Variants in EFNA5 observed in about 807,000 individuals in gnomAD.
EFNA5 encodes ephrin-A5.
Under a neutral mutation model 22.9 loss-of-function variants are expected in EFNA5, and 5 were observed. The observed-to-expected ratio is 0.22, with a 90% CI of 0.11 to 0.46. The LOEUF (loss-of-function observed/expected upper bound fraction) is 0.46, where lower values mean the gene tolerates loss of function less well. Among genes scored for constraint, EFNA5 ranks in the 20% least tolerant of loss-of-function variants. The pLI, the probability that EFNA5 is intolerant of heterozygous loss-of-function variation, is 0.99. For missense variants in EFNA5, 237 were observed against 293.3 expected, an observed-to-expected ratio of 0.81 and a Z score of 1.40; for synonymous variants, 113 against 112.2, an observed-to-expected ratio of 1.01 and a Z score of -0.04.
chr5:107,573,059 G>A (rs150581505), intron 1 of EFNA5, among the ~76,000 whole-genome samples: 81 of 152,296 alleles, frequency 5.3e-4, no homozygotes, highest in African/African-American at 1.9e-3. Context: ...TTGTAAAGGC[G>A]CAGTGGGTCT....
intron 1 of EFNA5, among the ~76,000 whole-genome samples, chr5:107,477,764 T>C (rs1293779207): frequency 1.3e-5 from 2 of 152,182 alleles, no homozygotes; most frequent in Non-Finnish European, 2.9e-5. Flanking sequence ...CCACAATATA[T>C]TATTTTTTTT....
chr5:107,665,108 C>A (rs1751039556), intron 1 of EFNA5, among the ~76,000 whole-genome samples: 1 of 152,088 alleles, frequency 6.6e-6, no homozygotes, highest in South Asian at 2.1e-4. Context: ...AATGCTTTCT[C>A]TCTCTCAAAG....
At chr5:107,501,948 T>C (rs946866282) in intron 1 of EFNA5, among the ~76,000 whole-genome samples, 1 of 152,346 alleles carries the variant, frequency 6.6e-6, no homozygotes, top group East Asian at 1.9e-4. Context: ...AGAAAAGTAC[T>C]GCAGCTGTGA....
chr5:107,484,429 A>AT (rs1289701403), intron 1 of EFNA5, among the ~76,000 whole-genome samples: 1 of 152,190 alleles, frequency 6.6e-6, no homozygotes, highest in African/African-American at 2.4e-5. Context: ...TCTGATTCAG[A>AT]ACTAACATGG....
intron 1 of EFNA5, among the ~76,000 whole-genome samples, chr5:107,618,332 T>C (rs1749966147): frequency 6.6e-6 from 1 of 152,254 alleles, no homozygotes; most frequent in South Asian, 2.1e-4. Context: ...AAATTCATTA[T>C]ATGAACTTGT....
chr5:107,391,209 G>C (rs1315120253), intron 2 of EFNA5, among the ~76,000 whole-genome samples: 2 of 152,166 alleles, frequency 1.3e-5, no homozygotes, highest in Non-Finnish European at 1.5e-5. Flanking sequence ...TTCTTTATTA[G>C]GTGCTGTGCA....
At chr5:107,622,547 T>C (rs1750056793) in intron 1 of EFNA5, among the ~76,000 whole-genome samples, 1 of 152,210 alleles carries the variant, frequency 6.6e-6, no homozygotes, top group South Asian at 2.1e-4. Flanking sequence ...AGGGTAATAA[T>C]GGCTACCACT....
intron 1 of EFNA5, among the ~76,000 whole-genome samples, chr5:107,542,688 C>A (rs555851233): frequency 3.3e-5 from 5 of 152,244 alleles, no homozygotes; most frequent in Admixed American, 3.3e-4. Flanking sequence ...CTGACTCATG[C>A]CTCTGGGCAT....
chr5:107,600,778 G>A (rs1749575774), intron 1 of EFNA5, among the ~76,000 whole-genome samples: 1 of 152,060 alleles, frequency 6.6e-6, no homozygotes, highest in African/African-American at 2.4e-5. Flanking sequence ...GTGAGCCACT[G>A]GGCCCAGCCA....
chr5:107,485,697 T>C (rs2112406374), intron 1 of EFNA5, among the ~76,000 whole-genome samples: 1 of 152,322 alleles, frequency 6.6e-6, no homozygotes, highest in East Asian at 1.9e-4. Context: ...GACTCTCACT[T>C]ATTTTAAAAG....
At chr5:107,548,114 G>A (rs910959269) in intron 1 of EFNA5, among the ~76,000 whole-genome samples, 3 of 152,118 alleles carry the variant, frequency 2.0e-5, no homozygotes, top group Admixed American at 6.5e-5. Flanking sequence ...TTCCAATGAC[G>A]ACAATGAGGT....
intron 2 of EFNA5, 61 bp downstream of exon 2, chr5:107,427,156 T>TA: frequency 1.3e-6 from 2 of 1,585,816 alleles, no homozygotes; most frequent in Non-Finnish European, 1.7e-6. Flanking sequence ...GAAACATGGG[T>TA]AAAAAATTAG....
At chr5:107,527,448 A>C (rs549453134) in intron 1 of EFNA5, among the ~76,000 whole-genome samples, 2 of 151,846 alleles carry the variant, frequency 1.3e-5, no homozygotes, top group African/African-American at 2.4e-5. Flanking sequence ...CACCATGCCC[A>C]GCTAATTTTT....
chr5:107,427,531 A>T, intron 1 of EFNA5, 22 bp from the exon 2 acceptor site: 2 of 1,566,482 alleles, frequency 1.3e-6, no homozygotes, highest in Non-Finnish European at 1.7e-6. Context: ...AGAAAAAAAA[A>T]TGTGATAATT....
At position 107,636,770 on chromosome 5, in the gene EFNA5, G is replaced by A. The variant is rs137861853; in HGVS notation, c.125+33719C>T. On this transcript the variant is annotated intron_variant, in intron 1 of 4. Transcript: ENST00000333274. ...CCCATGAAAACTGTTTAAAGGGAAA[G>A]AGTGAAACATGGGCAAACATGGTCC... Among the ~76,000 whole-genome samples, 178 of 152,328 alleles carry A rather than the reference G, an allele frequency of 1.2e-3. No homozygotes were observed. The Middle Eastern group carries it at 0.014, about 12-fold the overall frequency.
chr5:107,377,554 T>C lies in EFNA5; in HGVS notation c.*3701A>G, dbSNP rs891303668. ...ATTATTTGAAAATAATACAAATGGC[T>C]GCTGCCGTTGCTAAGGCACCGGAGA... On this transcript the variant is annotated 3_prime_UTR_variant, in exon 5 of 5. Coordinates refer to ENST00000333274, the MANE Select transcript of EFNA5 (RefSeq NM_001962.3). The C allele has an allele frequency of 6.6e-6, 1 of 152,166 alleles. No individual in the cohort carries two copies. Among genetic ancestry groups the C allele is most frequent in the African/African-American group, 2.4e-5 (1 of 41,428 alleles). The allele number at this position is 152,166 out of a possible 1,614,324, so 9.4% of individuals were successfully genotyped here.
At chr5:107,621,394 C>A (rs1018100547) in intron 1 of EFNA5, among the ~76,000 whole-genome samples, 2 of 152,170 alleles carry the variant, frequency 1.3e-5, no homozygotes, top group Non-Finnish European at 2.9e-5. Context: ...GGGATGGGTA[C>A]CTCATTGAAG....
intron 1 of EFNA5, among the ~76,000 whole-genome samples, chr5:107,497,530 T>G (rs969338767): frequency 6.6e-6 from 1 of 152,226 alleles, no homozygotes; most frequent in Non-Finnish European, 1.5e-5. Context: ...CCTGTCTGGT[T>G]TGCATCAGCT....
rs866795451 is a variant in EFNA5, at chr5:107,670,497, G to A, written c.117C>T (p.Ser39=). The change falls in exon 1 of 5, where the codon AGC becomes AGT. Residue 39 remains serine (S), a synonymous_variant. Transcript: ENST00000333274. ...ADRYAVYWNS[S]NPRFQRGDYH... The stretch of plus-strand genomic sequence containing the variant: ...GCCTGTTATCGGCTTACCTGGGGTT[G>A]CTGCTGTTCCAGTAGACAGCGTAGC... The A allele has an allele frequency of 6.4e-7, 1 of 1,566,600 alleles. No homozygotes were observed. Among genetic ancestry groups the A allele is most frequent in the East Asian group, 2.4e-5 (1 of 41,706 alleles).
Sources: gnomAD v4.1 joint callset for allele counts (sites outside exome capture counted in the v4.1 genomes callset) on GRCh38, gnomAD v4.1.1 for gene constraint, MANE v1.5 for transcripts, NCBI Gene and HGNC (gene_info 2026-07-23, HGNC 2026-07-21) for gene names.